The following CLUH variants were observed in gnomAD, a reference collection of about 807,000 sequenced individuals.
The protein encoded by CLUH is clustered mitochondria protein homolog.
CLUH carries 77 observed loss-of-function variants against 139.3 expected under a neutral mutation model. That is an observed-to-expected ratio of 0.55 (90% CI 0.46 to 0.67). The LOEUF (loss-of-function observed/expected upper bound fraction) is 0.67. CLUH is among the 30% of genes least tolerant of loss of function. The pLI is 0.00. For synonymous variants in CLUH, 999 were observed against 801.6 expected (o/e 1.25, Z -4.16); for missense variants, 1,876 against 1,875.8 (o/e 1.00, Z 0.00).
Position 2,692,083 on chromosome 17 carries a change from G to C in CLUH, c.3575C>G (p.Ala1192Gly). 6.2e-7 allele frequency: 1 copy of C among 1,603,356 alleles called. No homozygotes were observed. Among genetic ancestry groups the C allele is most frequent in the Non-Finnish European group, 8.5e-7 (1 of 1,176,002 alleles). ...CTCAGCTTTGCTCTCGTAGACTCGG[G>C]CGACAAGGTGGTGGCTGCCGGGAGG... ...LKVALSHHLV[A>G]RVYESKAEFR... Residue 1192 changes from alanine to glycine, a missense_variant, in exon 23 of 26, where the codon GCC (alanine) becomes GGC (glycine). By Grantham distance (60) the Ala-to-Gly change is moderately conservative. Around this residue, in one of 3 missense-constraint regions of CLUH, gnomAD observed 1,454 missense variants for 1,384.4 expected, o/e 1.05. Transcript: ENST00000651024.
At position 2,704,433 on chromosome 17, in the gene CLUH, C is replaced by T; in HGVS notation, c.232G>A (p.Val78Ile). The T allele has an allele frequency of 6.2e-7, 1 of 1,610,060 alleles. No individual in the cohort carries two copies. The highest frequency in any genetic ancestry group is 8.5e-7 in the Non-Finnish European group (1 of 1,178,394). The change falls in exon 2 of 26, where the codon GTC becomes ATC. Residue 78 changes from valine to isoleucine, a missense_variant. Val to Ile is a conservative substitution (Grantham distance 29). Around this residue, in one of 3 missense-constraint regions of CLUH, gnomAD observed 152 missense variants for 136.7 expected, o/e 1.11. Transcript: ENST00000651024. The surrounding 1 kb of genome is among the most constrained non-coding windows in gnomAD (Gnocchi z 5.7). ...AAGCCCGTGTCCTGAATGACAATGA[C>T]TTCCTGGCCGGTGGTCTCATCTCCC... ...GPGDETTGQE[V>I]IVIQDTGFSV... is the part of the protein sequence containing the mutation.
chr17:2,702,492 CT>C (rs939062062), intron 3 of CLUH, among the ~76,000 whole-genome samples: 1 of 152,228 alleles, frequency 6.6e-6, no homozygotes, highest in Admixed American at 6.5e-5. Flanking sequence ...AACACTGCCC[CT>C]ATGTGGTTTC....
In CLUH at chr17:2,691,831, G is replaced by A. The variant is rs1363834902; in HGVS notation, c.3719C>T (p.Ala1240Val). Residue 1240 changes from alanine (A) to valine (V), a missense_variant, in exon 24 of 26, where the codon GCC (alanine) becomes GTC (valine). Coordinates refer to ENST00000651024, the MANE Select transcript of CLUH (RefSeq NM_001366661.1). ...SEYLKCLTQQ[A>V]VALQRTMNEI... is the part of the protein sequence containing the mutation. ...GTTCATGGTGCGCTGCAGGGCCACG[G>A]CCTGCTGGGTCAGGCACTTGAGGTA... 1.3e-6 allele frequency: 2 copies of A among 1,565,664 alleles called. No homozygotes were observed. The highest frequency in any genetic ancestry group is 8.6e-7 in the Non-Finnish European group (1 of 1,156,410).
chr17:2,709,101 G>T (rs1567601200), intron 1 of CLUH, among the ~76,000 whole-genome samples: 1 of 152,132 alleles, frequency 6.6e-6, no homozygotes, highest in Non-Finnish European at 1.5e-5. Flanking sequence ...GAGGCGCCGG[G>T]AGCTCAAAGG....
chr17:2,709,836 G>T (rs2070458446), intron 1 of CLUH, among the ~76,000 whole-genome samples: 1 of 152,120 alleles, frequency 6.6e-6, no homozygotes, highest in African/African-American at 2.4e-5. Flanking sequence ...TGTAACGTAA[G>T]TCCTAGCTAG....
chr17:2,694,759 G>A (rs1440546571), intron 16 of CLUH, 98 bp downstream of exon 16: 68 of 1,424,846 alleles, frequency 4.8e-5, no homozygotes, highest in Non-Finnish European at 6.1e-5. Context: ...CTGACTCCCT[G>A]GCCTATGACC....
At chr17:2,710,236 T>A (rs1211788372) in intron 1 of CLUH, among the ~76,000 whole-genome samples, 1 of 152,220 alleles carries the variant, frequency 6.6e-6, no homozygotes, top group Non-Finnish European at 1.5e-5. Context: ...CCTCCTCTCA[T>A]CCAGCCTGCC....
Position 2,698,148 on chromosome 17 carries a change from C to T in CLUH, c.1709G>A (p.Arg570Gln), listed in dbSNP as rs775496210. Reference protein sequence around the residue: ...ERTSRPLKILRHQVLNDRDEE... With the variant: ...ERTSRPLKILQHQVLNDRDEE... ...GTCACGGTCGTTGAGCACCTGGTGCCGCAGGATCTTGAGGGGCCGACTCGT... is the reference window on the plus strand; with the variant it reads ...GTCACGGTCGTTGAGCACCTGGTGCTGCAGGATCTTGAGGGGCCGACTCGT... Residue 570 changes from arginine to glutamine, a missense_variant, in exon 10 of 26, where the codon CGG (arginine) becomes CAG (glutamine). This residue lies in a region of CLUH where 1,454 missense variants were observed against 1,384.4 expected (regional missense o/e 1.05). Transcript: ENST00000651024. 22 of 1,582,070 alleles carry T rather than the reference C, an allele frequency of 1.4e-5. No homozygotes were observed. Among genetic ancestry groups the T allele is most frequent in the South Asian group, 2.3e-5 (2 of 86,778 alleles).
intron 1 of CLUH, among the ~76,000 whole-genome samples, chr17:2,705,885 C>G (rs116910916): frequency 2.6e-5 from 4 of 152,212 alleles, no homozygotes; most frequent in East Asian, 3.8e-4. Context: ...CCCCCTGTTC[C>G]GCTGAGGAGC....
chr17:2,700,775 C>T lies in CLUH; in HGVS notation c.1076G>A (p.Ser359Asn). 6.5e-7 allele frequency: 1 copy of T among 1,540,368 alleles called. No individual in the cohort carries two copies. Among genetic ancestry groups the T allele is most frequent in the Non-Finnish European group, 8.7e-7 (1 of 1,149,368 alleles). ...ERIATPFQVY[S>N]WTAPQAEHAM... ...ATGCTCCGCCTGGGGGGCTGTCCAG[C>T]TGTACACCTGGAATGGGGTGGCGAT... is the stretch of plus-strand genomic sequence containing the variant. The change falls in exon 8 of 26, where the codon AGC becomes AAC. Residue 359 changes from serine (S) to asparagine (N), a missense_variant. By Grantham distance (46) the Ser-to-Asn change is conservative. Transcript: ENST00000651024.
In CLUH at chr17:2,692,214, A is replaced by G; in HGVS notation, c.3561-117T>C. 2.1e-6 allele frequency: 3 copies of G among 1,444,144 alleles called. No homozygotes were observed. In the East Asian group the frequency reaches 7.5e-5, roughly 36 times the overall value. The allele number at this position is 1,444,144 out of a possible 1,614,324, so 89.5% of individuals were successfully genotyped here. ...CTCCCTGGAAGCCACCGAGGGGAAC[A>G]GCAAGTCCAGGGCTCAGGGAAGAGG... On this transcript the variant is annotated intron_variant, in intron 22 of 25. Coordinates refer to ENST00000651024, the MANE Select transcript of CLUH (RefSeq NM_001366661.1).
chr17:2,698,595 C>CG lies in CLUH; in HGVS notation c.1267-6dup, dbSNP rs1477326157. 5 of 1,586,266 alleles carry CG rather than the reference C, an allele frequency of 3.2e-6. No homozygotes were observed. The highest frequency in any genetic ancestry group is 4.3e-6 in the Non-Finnish European group (5 of 1,165,404). On this transcript the variant is annotated splice_region_variant and splice_polypyrimidine_tract_variant and intron_variant, in intron 9 of 25. Coordinates refer to ENST00000651024, the MANE Select transcript of CLUH (RefSeq NM_001366661.1). ...CGCGGTGAAGTCGCTGTGCACCTGG[C>CG]GGGGGTCGAGGAGGGCAGGGTTAGA...
intron 25 of CLUH, among the ~76,000 whole-genome samples, chr17:2,691,275 C>T (rs147379797): frequency 1.3e-5 from 2 of 152,146 alleles, no homozygotes; most frequent in Non-Finnish European, 2.9e-5. Flanking sequence ...GGAAGATAAG[C>T]GGGGCGGGCC....
At position 2,690,693 on chromosome 17, in the gene CLUH, C is replaced by T; in HGVS notation, c.3948G>A (p.Glu1316=). 6.4e-7 allele frequency: 1 copy of T among 1,565,186 alleles called. No individual in the cohort carries two copies. Among genetic ancestry groups the T allele is most frequent in the Non-Finnish European group, 8.6e-7 (1 of 1,162,278 alleles). Residue 1316 remains glutamate, a synonymous_variant, in exon 26 of 26, where the codon GAG becomes GAA. Transcript: ENST00000651024. ...GCGCGGGCTCGGTAGCCATGGGCTC[C>T]TCGGCTCTATCCCTGTTTCTGCTGG... is the stretch of plus-strand genomic sequence containing the variant. ...QEASRNRDRA[E]EPMATEPAPA...
intron 7 of CLUH, 105 bp from the exon 8 acceptor site, chr17:2,700,930 G>A: frequency 1.4e-6 from 2 of 1,445,164 alleles, no homozygotes; most frequent in Non-Finnish European, 1.8e-6. Context: ...CTCCCACCCT[G>A]AGACACTGCC....
chr17:2,697,782 C>A, intron 10 of CLUH, 114 bp downstream of exon 10: 1 of 1,002,396 alleles, frequency 1.0e-6, no homozygotes. Context: ...CTAGACGGAG[C>A]CCTTCTTCAC....
chr17:2,700,356 T>C, intron 9 of CLUH, 26 bp downstream of exon 9: 1 of 1,599,796 alleles, frequency 6.3e-7, no homozygotes, highest in East Asian at 2.3e-5. Flanking sequence ...GGCCTCAGAC[T>C]GCCGGTCAGC....
Position 2,692,711 on chromosome 17 carries a change from G to A in CLUH, c.3313-15C>T, listed in dbSNP as rs566688021. On this transcript the variant is annotated splice_polypyrimidine_tract_variant and intron_variant, in intron 20 of 25. Transcript: ENST00000651024. ...GCCAGGTGCATCTGCGGGCGGGGCG[G>A]AGACAGGTCAGGGTGGCCGCGGACC... 15 of 1,608,808 alleles carry A rather than the reference G, an allele frequency of 9.3e-6. 1 individual carries two copies. In the South Asian group the frequency reaches 1.5e-4, roughly 17 times the overall value.
intron 1 of CLUH, among the ~76,000 whole-genome samples, chr17:2,705,662 G>A (rs1034865509): frequency 1.3e-5 from 2 of 152,028 alleles, no homozygotes; most frequent in East Asian, 1.9e-4. Flanking sequence ...AGAGACATTC[G>A]GCTGCACCCA....
Sources: gnomAD v4.1 joint callset for allele counts (sites outside exome capture counted in the v4.1 genomes callset) on GRCh38, gnomAD v4.1.1 for gene constraint, gnomAD v4.1.1 regional missense constraint, Gnocchi (gnomAD v3.1) non-coding constraint, MANE v1.5 for transcripts, NCBI Gene and HGNC (gene_info 2026-07-23, HGNC 2026-07-21) for gene names.